The following FAM228B variants were observed in gnomAD, a reference collection of about 807,000 sequenced individuals.
FAM228B encodes the protein protein FAM228B.
A neutral mutation model predicts 42.6 loss-of-function variants in FAM228B; 38 were observed. That is an observed-to-expected ratio of 0.89 (90% CI 0.69 to 1.17). The LOEUF is 1.17. Among genes scored for constraint, FAM228B ranks in the 50% most tolerant of loss-of-function variants. The pLI is 0.00. For missense variants in FAM228B, 344 were observed against 367.3 expected (o/e 0.94, Z 0.52); for synonymous variants, 109 against 122.3 (o/e 0.89, Z 0.72).
chr2:24,139,381 T>A lies in FAM228B; in HGVS notation c.372T>A (p.Phe124Leu). 6.5e-7 allele frequency: 1 copy of A among 1,541,068 alleles called. No individual in the cohort carries two copies. The highest frequency in any genetic ancestry group is 1.2e-5 in the South Asian group (1 of 83,276). The change falls in exon 5 of 11, where the codon TTT becomes TTA. Residue 124 changes from phenylalanine to leucine, a missense_variant. Phe to Leu is a conservative substitution (Grantham distance 22). Coordinates refer to ENST00000615575, the MANE Select transcript of FAM228B (RefSeq NM_001145710.2). ...TTTCCTTGCTATAGGGAAATGCATTTATAGAACATTATGATCCAAAAGAGT... is the reference window on the plus strand; with the variant it reads ...TTTCCTTGCTATAGGGAAATGCATTAATAGAACATTATGATCCAAAAGAGT... ...LKHVNKKGNA[F>L]IEHYDPKEYD...
At chr2:24,115,144 T>C (rs1665874165) in intron 3 of FAM228B, among the ~76,000 whole-genome samples, 1 of 152,194 alleles carries the variant, frequency 6.6e-6, no homozygotes, top group Non-Finnish European at 1.5e-5. Context: ...TCCACTGCTT[T>C]TATAGCAAAC....
chr2:24,164,148 G>T, intron 8 of FAM228B, 50 bp from the exon 9 acceptor site: 1 of 1,474,462 alleles, frequency 6.8e-7, no homozygotes, highest in South Asian at 1.3e-5. Flanking sequence ...AAGTGCTACA[G>T]TTGAGTTGAG....
At chr2:24,162,775 C>A (rs1667314181) in intron 8 of FAM228B, among the ~76,000 whole-genome samples, 1 of 152,140 alleles carries the variant, frequency 6.6e-6, no homozygotes, top group Non-Finnish European at 1.5e-5. Flanking sequence ...CATGCTGCAA[C>A]ATAGACAAAC....
At chr2:24,120,409 T>C (rs976837768), upstream of FAM228B, among the ~76,000 whole-genome samples, 1 of 152,252 alleles carries the variant, frequency 6.6e-6, no homozygotes, top group African/African-American at 2.4e-5. Context: ...TTATTTAACC[T>C]TGTTAAGCCT....
chr2:24,100,406 T>C (rs1456227227), intron 3 of FAM228B, among the ~76,000 whole-genome samples: 2 of 151,172 alleles, frequency 1.3e-5, no homozygotes, highest in African/African-American at 4.9e-5. Flanking sequence ...TACAAATAAC[T>C]CAAACAAATT....
At chr2:24,110,312 GA>G (rs1665768785) in intron 3 of FAM228B, among the ~76,000 whole-genome samples, 1 of 152,046 alleles carries the variant, frequency 6.6e-6, no homozygotes, top group African/African-American at 2.4e-5. Flanking sequence ...GAGGGGATCA[GA>G]AAAAACACCT....
chr2:24,094,220 A>T (rs749954970), intron 2 of FAM228B, among the ~76,000 whole-genome samples: 2 of 151,528 alleles, frequency 1.3e-5, no homozygotes, highest in African/African-American at 4.9e-5. Context: ...CTGCAGGCAC[A>T]TGCCACCACA....
chr2:24,139,299 C>A, intron 4 of FAM228B, 71 bp from the exon 5 acceptor site: 1 of 855,858 alleles, frequency 1.2e-6, no homozygotes, highest in South Asian at 1.8e-5. Context: ...GTTTGACTCT[C>A]AAGTCCTGAT....
intron 2 of FAM228B, chr2:24,087,278 G>T (rs973383956): frequency 6.6e-6 from 1 of 151,908 alleles, no homozygotes; most frequent in African/African-American, 2.4e-5. Flanking sequence ...ATACGGTCTT[G>T]CTACGTTGCC....
chr2:24,129,561 A>G (rs183404124), intron 2 of FAM228B, among the ~76,000 whole-genome samples: 58 of 151,870 alleles, frequency 3.8e-4, no homozygotes, highest in African/African-American at 1.4e-3. Flanking sequence ...GGTAATTTCT[A>G]ATAGTCTGTC....
intron 3 of FAM228B, among the ~76,000 whole-genome samples, chr2:24,103,686 G>T (rs1251959070): frequency 6.6e-6 from 1 of 152,212 alleles, no homozygotes; most frequent in Non-Finnish European, 1.5e-5. Flanking sequence ...AGGCTGGCCG[G>T]CCAGGAGGTG....
intron 9 of FAM228B, 124 bp from the exon 10 acceptor site, chr2:24,167,503 T>C (rs1312900428): frequency 6.1e-6 from 8 of 1,319,692 alleles, no homozygotes; most frequent in African/African-American, 1.4e-5. Context: ...TTGGGGTTGG[T>C]TCTTCTCCTG....
At chr2:24,127,176 A>G (rs540809114) in intron 2 of FAM228B, among the ~76,000 whole-genome samples, 1 of 152,256 alleles carries the variant, frequency 6.6e-6, no homozygotes, top group African/African-American at 2.4e-5. Flanking sequence ...TACTCTGGAC[A>G]TTTTATACAA....
chr2:24,145,098 T>C (rs1325366829), intron 5 of FAM228B, among the ~76,000 whole-genome samples: 2 of 152,152 alleles, frequency 1.3e-5, no homozygotes, highest in Non-Finnish European at 2.9e-5. Flanking sequence ...GCCCAGGGGT[T>C]CAAGAACCTG....
At chr2:24,156,780 C>G (rs1000448987) in intron 7 of FAM228B, among the ~76,000 whole-genome samples, 2 of 142,634 alleles carry the variant, frequency 1.4e-5, no homozygotes, top group East Asian at 2.3e-4. Context: ...TTCCGCCCCC[C>G]CCCCCCCAGC....
At chr2:24,158,088 G>A (rs1667195388) in intron 7 of FAM228B, among the ~76,000 whole-genome samples, 1 of 151,286 alleles carries the variant, frequency 6.6e-6, no homozygotes, top group Non-Finnish European at 1.5e-5. Flanking sequence ...ACAAGATTGG[G>A]CTGATTTTTC....
At chr2:24,109,350 A>G (rs927613870) in intron 3 of FAM228B, among the ~76,000 whole-genome samples, 3 of 152,168 alleles carry the variant, frequency 2.0e-5, no homozygotes, top group African/African-American at 7.2e-5. Context: ...ACACTGGAAG[A>G]TAACCTAGGA....
At position 24,169,535 on chromosome 2, in the gene FAM228B, A is replaced by C; in HGVS notation, c.*194A>C. On this transcript the variant is annotated 3_prime_UTR_variant, in exon 11 of 11. Transcript: ENST00000615575. The surrounding 1 kb of genome is among the most constrained non-coding windows in gnomAD (Gnocchi z 4.2). ...TGCAACGAACTTCCTTTAATTTTTG[A>C]GTTCAGTGTCTGTGATAATTAAGAA... 1 of 291,326 alleles carries C rather than the reference A, an allele frequency of 3.4e-6. No homozygotes were observed. The highest frequency in any genetic ancestry group is 3.2e-5 in the South Asian group (1 of 31,694). 18.0% of individuals were successfully genotyped at this position (291,326 alleles called of 1,614,324 possible). A position where few individuals can be genotyped will look rare whatever the true frequency, so the allele number is the denominator to read the frequency against.
At chr2:24,145,719 T>G (rs1666877876) in intron 5 of FAM228B, among the ~76,000 whole-genome samples, 1 of 151,212 alleles carries the variant, frequency 6.6e-6, no homozygotes, top group South Asian at 2.1e-4. Context: ...TTTTTTTTTT[T>G]TTTTGAGACG....
Sources: gnomAD v4.1 joint callset for allele counts (sites outside exome capture counted in the v4.1 genomes callset) on GRCh38, gnomAD v4.1.1 for gene constraint, Gnocchi (gnomAD v3.1) non-coding constraint, MANE v1.5 for transcripts, NCBI Gene and HGNC (gene_info 2026-07-23, HGNC 2026-07-21) for gene names.